ERBB4: variants seen among roughly 807,000 people sequenced by gnomAD.
The protein encoded by ERBB4 is erb-b2 receptor tyrosine kinase 4.
Under a neutral mutation model 158.0 loss-of-function variants are expected in ERBB4, and 42 were observed. The ratio of observed to expected loss-of-function variants is 0.27; its 90% CI spans 0.21 to 0.34. ERBB4 has a LOEUF of 0.34. Ranked by LOEUF, ERBB4 falls within the 10% of genes least tolerant of loss-of-function variation. The pLI is 1.00. For synonymous variants in ERBB4, 583 were observed against 558.7 expected, an observed-to-expected ratio of 1.04 and a Z score of -0.61; for missense variants, 1,333 against 1,624.1, an observed-to-expected ratio of 0.82 and a Z score of 3.08.
intron 1 of ERBB4, among the ~76,000 whole-genome samples, chr2:212,140,614 A>G (rs1303126839): frequency 6.6e-6 from 1 of 151,172 alleles, no homozygotes; most frequent in Non-Finnish European, 1.5e-5. Context: ...CCAAATTACT[A>G]TCAATACTTT....
At chr2:212,120,880 A>G (rs1277268700) in intron 2 of ERBB4, among the ~76,000 whole-genome samples, 2 of 152,298 alleles carry the variant, frequency 1.3e-5, no homozygotes, top group Admixed American at 1.3e-4. Flanking sequence ...CACTCATACA[A>G]TTTGAAACTT....
intron 1 of ERBB4, among the ~76,000 whole-genome samples, chr2:212,216,291 A>G: frequency 6.6e-6 from 1 of 151,390 alleles, no homozygotes; most frequent in Non-Finnish European, 1.5e-5. Context: ...ATGCATACGA[A>G]TGTGTGTGAA....
At chr2:212,100,084 C>G (rs1323296282) in intron 2 of ERBB4, among the ~76,000 whole-genome samples, 1 of 151,990 alleles carries the variant, frequency 6.6e-6, no homozygotes, top group Non-Finnish European at 1.5e-5. Context: ...AATGGTCTTA[C>G]AGTCATTACT....
intron 1 of ERBB4, among the ~76,000 whole-genome samples, chr2:212,316,466 A>G (rs1284897134): frequency 6.6e-6 from 1 of 151,456 alleles, no homozygotes; most frequent in Non-Finnish European, 1.5e-5. Context: ...TCCATCATCA[A>G]TCTTCTTCAG....
intron 1 of ERBB4, among the ~76,000 whole-genome samples, chr2:212,515,339 A>G (rs1462429209): frequency 6.6e-6 from 1 of 152,230 alleles, no homozygotes; most frequent in Admixed American, 6.5e-5. Context: ...TTTGTAGTCC[A>G]CAGATTAATT....
intron 8 of ERBB4, 135 bp downstream of exon 8, chr2:211,713,400 A>C: frequency 1.5e-6 from 1 of 687,040 alleles, no homozygotes; most frequent in Non-Finnish European, 2.7e-6. Context: ...GTAACTGTTC[A>C]AAATTATGGA....
intron 2 of ERBB4, among the ~76,000 whole-genome samples, chr2:211,959,133 C>G (rs1393506003): frequency 2.0e-5 from 3 of 152,052 alleles, no homozygotes. Flanking sequence ...ATCCACCCAC[C>G]CATACATCTA....
At chr2:212,467,655 A>G (rs2220024) in intron 1 of ERBB4, among the ~76,000 whole-genome samples, 63,952 of 152,110 alleles carry the variant, frequency 0.42, 14,272 homozygotes, top group African/African-American at 0.52. Context: ...TAGAGGTGGG[A>G]TGCTCATGGA....
At chr2:212,402,189 T>C (rs897189322) in intron 1 of ERBB4, among the ~76,000 whole-genome samples, 1 of 152,126 alleles carries the variant, frequency 6.6e-6, no homozygotes, top group Non-Finnish European at 1.5e-5. Context: ...AAAAAAGGAA[T>C]GTGTTGTTAC....
At position 211,433,152 on chromosome 2, in the gene ERBB4, G is replaced by C. The variant is rs150923303; in HGVS notation, c.2488-2052C>G. Among the ~76,000 whole-genome samples the C allele has an allele frequency of 3.4e-3, 524 of 152,262 alleles. 8 individuals are homozygous for C. Among genetic ancestry groups the C allele is most frequent in the African/African-American group, 0.012 (491 of 41,542 alleles). ...GTATTTTTAAAGCATAATGTATGAG[G>C]GACAGTGGTGAGCAGTGAAACTGAA... On this transcript the variant is annotated intron_variant, in intron 20 of 27. Transcript: ENST00000342788.
intron 20 of ERBB4, among the ~76,000 whole-genome samples, chr2:211,506,846 A>G (rs1053847942): frequency 2.0e-5 from 3 of 152,122 alleles, no homozygotes; most frequent in Non-Finnish European, 2.9e-5. Context: ...CCCCAAAGCT[A>G]GCAGAATAAA....
chr2:212,230,253 C>G (rs1285435372), intron 1 of ERBB4, among the ~76,000 whole-genome samples: 5 of 151,908 alleles, frequency 3.3e-5, no homozygotes, highest in Admixed American at 6.6e-5. Flanking sequence ...CCACTGCATT[C>G]CAGCCTGGGC....
chr2:212,201,133 T>G (rs2105902227), intron 1 of ERBB4, among the ~76,000 whole-genome samples: 1 of 152,290 alleles, frequency 6.6e-6, no homozygotes, highest in African/African-American at 2.4e-5. Flanking sequence ...CATTTAAAAT[T>G]TAATTATGCA....
At chr2:212,198,055 C>A (rs971654124) in intron 1 of ERBB4, among the ~76,000 whole-genome samples, 1 of 151,864 alleles carries the variant, frequency 6.6e-6, no homozygotes, top group African/African-American at 2.4e-5. Context: ...CATAATATGC[C>A]GTAATGTATA....
chr2:211,727,919 AT>A (rs1400456405), intron 5 of ERBB4, among the ~76,000 whole-genome samples: 2 of 151,992 alleles, frequency 1.3e-5, no homozygotes, highest in Non-Finnish European at 2.9e-5. Context: ...GATTTGGAAA[AT>A]AATCAAATTT....
At chr2:212,516,396 T>C (rs1390970985) in intron 1 of ERBB4, among the ~76,000 whole-genome samples, 1 of 152,112 alleles carries the variant, frequency 6.6e-6, no homozygotes, top group African/African-American at 2.4e-5. Context: ...TCCATTTGTA[T>C]GGAGTAATTC....
chr2:212,531,867 C>T lies in ERBB4; in HGVS notation c.82+6582G>A, dbSNP rs542071451. Among the ~76,000 whole-genome samples, 6 of 152,172 alleles carry T rather than the reference C, an allele frequency of 3.9e-5. No homozygotes were observed. In the East Asian group the frequency reaches 1.2e-3, roughly 29 times the overall value. On this transcript the variant is annotated intron_variant, in intron 1 of 27. Transcript: ENST00000342788. ...CAGGTAAAGAAATCCTCTTATAGAA[C>T]GATGTCTTTAAAAAGTTGCTTTATT...
At chr2:212,506,153 ATTG>A (rs571034220) in intron 1 of ERBB4, among the ~76,000 whole-genome samples, 1,546 of 148,832 alleles carry the variant, frequency 0.01, 58 homozygotes, top group African/African-American at 0.036. Context: ...TGATGTTACT[ATTG>A]TAATTGTTTT....
chr2:211,499,237 G>T (rs770640262), intron 20 of ERBB4, among the ~76,000 whole-genome samples: 10 of 152,012 alleles, frequency 6.6e-5, no homozygotes, highest in Non-Finnish European at 1.2e-4. Flanking sequence ...AGAAAACTGT[G>T]ACTCAGGCCG....
Sources: allele counts gnomAD v4.1 joint callset (sites outside exome capture counted in the v4.1 genomes callset), GRCh38; gene constraint gnomAD v4.1.1; transcripts MANE v1.5; gene names NCBI Gene and HGNC (gene_info 2026-07-23, HGNC 2026-07-21).